INPP5A: variants seen among roughly 807,000 people sequenced by gnomAD.
The protein encoded by INPP5A is inositol polyphosphate-5-phosphatase A, also known as 43 kDa inositol polyphosphate 5-phophatase.
In INPP5A, 14 loss-of-function variants were observed where a neutral mutation model predicts 65.2. That is an observed-to-expected ratio of 0.21 (90% CI 0.14 to 0.34). INPP5A has a LOEUF of 0.34. INPP5A is among the 10% of genes least tolerant of loss of function. The probability of loss-of-function intolerance (pLI) is 1.00; values close to 1 mark genes in which losing one functional copy is unlikely to be tolerated. For missense variants in INPP5A, 431 were observed against 545.6 expected (o/e 0.79, Z 2.09); for synonymous variants, 207 against 208.3 (o/e 0.99, Z 0.05).
In INPP5A at chr10:132,760,472, T is replaced by C. The variant is rs981918555; in HGVS notation, c.904-5301T>C. Among the ~76,000 whole-genome samples, 3 of 152,254 alleles carry C rather than the reference T, an allele frequency of 2.0e-5. No homozygotes were observed. In the South Asian group the frequency reaches 6.2e-4, roughly 31 times the overall value. On this transcript the variant is annotated intron_variant, in intron 11 of 15. Coordinates refer to ENST00000368594, the MANE Select transcript of INPP5A (RefSeq NM_005539.5). ...AGAGGCCATCTGTGCCCCTGCACTTTGGTGCTGTCCAGGACTGCGTCCCCC... is the reference window on the plus strand; with the variant it reads ...AGAGGCCATCTGTGCCCCTGCACTTCGGTGCTGTCCAGGACTGCGTCCCCC...
rs575628662 is a variant in INPP5A, at chr10:132,641,447, G to A, written c.118-4421G>A. 9.9e-5 allele frequency among the ~76,000 whole-genome samples: 15 copies of A among 152,192 alleles called. No homozygotes were observed. The South Asian group carries it at 2.7e-3, about 27-fold the overall frequency. On this transcript the variant is annotated intron_variant, in intron 2 of 15. Transcript: ENST00000368594. ...ATACAGCTAACTAGTCCAGCTATCC[G>A]GATAGATCTAACCAGGATGTCTTCC...
chr10:132,596,401 AGTGTGTGTGC>A (rs1401184725), intron 1 of INPP5A, among the ~76,000 whole-genome samples: 1 of 151,532 alleles, frequency 6.6e-6, no homozygotes, highest in Non-Finnish European at 1.5e-5. Flanking sequence ...AGGACACCCA[AGTGTGTGTGC>A]GTGTGTGTGC....
In INPP5A at chr10:132,644,287, C is replaced by T. The variant is rs749692735; in HGVS notation, c.118-1581C>T. Among the ~76,000 whole-genome samples, 5 of 152,216 alleles carry T rather than the reference C, an allele frequency of 3.3e-5. No homozygotes were observed. Among genetic ancestry groups the T allele is most frequent in the South Asian group, 4.1e-4 (2 of 4,834 alleles). On this transcript the variant is annotated intron_variant, in intron 2 of 15. Coordinates refer to ENST00000368594, the MANE Select transcript of INPP5A (RefSeq NM_005539.5). This position sits in a 1 kb window ranked among gnomAD's most constrained non-coding sequence, Gnocchi z 6.5. ...GCAGAGGCGGCTGCGAACTCAGGCA[C>T]GGCCGCCCTTGTCTCCTGCTGCCGC...
Position 132,678,072 on chromosome 10 carries a change from C to A in INPP5A, c.307-12320C>A, listed in dbSNP as rs995341869. On this transcript the variant is annotated intron_variant, in intron 4 of 15. Transcript: ENST00000368594. This position sits in a 1 kb window ranked among gnomAD's most constrained non-coding sequence, Gnocchi z 4.1. Reference sequence around the variant, plus strand: ...CGGCAGGAGGCCAGACAGGGGGACACCTTGGTGCCGTCATCCCGTTTGGCC... The same window carrying A: ...CGGCAGGAGGCCAGACAGGGGGACAACTTGGTGCCGTCATCCCGTTTGGCC... Among the ~76,000 whole-genome samples the A allele has an allele frequency of 6.6e-6, 1 of 152,214 alleles. No homozygotes were observed. The highest frequency in any genetic ancestry group is 2.4e-5 in the African/African-American group (1 of 41,444).
chr10:132,557,863 C>T (rs1330724810), intron 1 of INPP5A, among the ~76,000 whole-genome samples: 2 of 152,192 alleles, frequency 1.3e-5, no homozygotes, highest in African/African-American at 2.4e-5. Context: ...GTGGCAGCCA[C>T]GGCTTATGGC....
In INPP5A at chr10:132,546,968, C is replaced by T. The variant is rs867871846; in HGVS notation, c.75+8797C>T. Among the ~76,000 whole-genome samples the T allele has an allele frequency of 2.6e-5, 4 of 152,358 alleles. No individual in the cohort carries two copies. In the East Asian group the frequency reaches 5.8e-4, roughly 22 times the overall value. ...GGCTGTGTCATCTGCCGCAGACAGCCTTCCTTTCTGCGTCCTCCCCTCTCG... is the reference window on the plus strand; with the variant it reads ...GGCTGTGTCATCTGCCGCAGACAGCTTTCCTTTCTGCGTCCTCCCCTCTCG... On this transcript the variant is annotated intron_variant, in intron 1 of 15. Transcript: ENST00000368594. This position sits in a 1 kb window ranked among gnomAD's most constrained non-coding sequence, Gnocchi z 5.7.
At chr10:132,594,629 G>A (rs2071661146) in intron 1 of INPP5A, among the ~76,000 whole-genome samples, 1 of 152,042 alleles carries the variant, frequency 6.6e-6, no homozygotes, top group South Asian at 2.1e-4. Flanking sequence ...GCCTGTGCAT[G>A]GGTGGTGTGT....
intron 3 of INPP5A, among the ~76,000 whole-genome samples, chr10:132,649,396 G>A (rs577685985): frequency 3.2e-4 from 48 of 152,356 alleles, no homozygotes; most frequent in African/African-American, 1.1e-3. Context: ...ACACATTCAC[G>A]TGGTGTTGCT....
intron 1 of INPP5A, among the ~76,000 whole-genome samples, chr10:132,566,871 A>C (rs2071280840): frequency 6.6e-6 from 1 of 152,244 alleles, no homozygotes; most frequent in South Asian, 2.1e-4. Flanking sequence ...TAAATATTGA[A>C]TACTAGAATG....
At chr10:132,737,099 G>A (rs979210822) in intron 9 of INPP5A, among the ~76,000 whole-genome samples, 4 of 152,220 alleles carry the variant, frequency 2.6e-5, no homozygotes, top group Non-Finnish European at 5.9e-5. Context: ...AGAGCATGGC[G>A]GCTGACTCCT....
chr10:132,666,505 C>CA (rs1478241760), intron 4 of INPP5A, among the ~76,000 whole-genome samples: 1 of 151,996 alleles, frequency 6.6e-6, no homozygotes. Context: ...AAAACAGCCA[C>CA]AAAAAAACCC....
chr10:132,626,343 C>T (rs1223511526), intron 2 of INPP5A, among the ~76,000 whole-genome samples: 2 of 152,244 alleles, frequency 1.3e-5, no homozygotes, highest in African/African-American at 4.8e-5. Context: ...CGCCTTCATT[C>T]TGCCTGGGTC....
rs563088213 is a variant in INPP5A at position 132,710,209 on chromosome 10, C to T, written c.528-128C>T. On this transcript the variant is annotated intron_variant, in intron 7 of 15. Coordinates refer to ENST00000368594, the MANE Select transcript of INPP5A (RefSeq NM_005539.5). Reference sequence around the variant, plus strand: ...AAGACAGGTGGGTGGACAGGTGCCCCGCCTCGGGTGGCTCCGCACGGCGGA... The same window carrying T: ...AAGACAGGTGGGTGGACAGGTGCCCTGCCTCGGGTGGCTCCGCACGGCGGA... The T allele has an allele frequency of 1.7e-4, 176 of 1,050,380 alleles. 1 individual carries two copies. The East Asian group carries it at 3.4e-3, about 21-fold the overall frequency. 65.1% of individuals were successfully genotyped at this position (1,050,380 alleles called of 1,614,324 possible).
At chr10:132,781,063 G>T in intron 14 of INPP5A, 146 bp downstream of exon 14, 1 of 652,384 alleles carries the variant, frequency 1.5e-6, no homozygotes, top group Non-Finnish European at 2.8e-6. Context: ...CTGTTCTCCT[G>T]TCTTCTTAGT....
chr10:132,679,247 G>A (rs957572604), intron 4 of INPP5A, among the ~76,000 whole-genome samples: 9 of 152,336 alleles, frequency 5.9e-5, no homozygotes, highest in African/African-American at 1.9e-4. Flanking sequence ...GGATGTTTGG[G>A]TGAGGCATAT....
intron 1 of INPP5A, among the ~76,000 whole-genome samples, chr10:132,562,888 C>T (rs2071223835): frequency 6.6e-6 from 1 of 152,158 alleles, no homozygotes; most frequent in African/African-American, 2.4e-5. Flanking sequence ...TGGTGCCCTC[C>T]TTCCCCTGCT....
chr10:132,681,076 G>A (rs2073037271), intron 4 of INPP5A, among the ~76,000 whole-genome samples: 2 of 152,260 alleles, frequency 1.3e-5, no homozygotes, highest in South Asian at 4.1e-4. Flanking sequence ...TCCACCTGCA[G>A]CCCCAGTGCG....
At chr10:132,540,631 G>C (rs2070894874) in intron 1 of INPP5A, among the ~76,000 whole-genome samples, 1 of 152,260 alleles carries the variant, frequency 6.6e-6, no homozygotes, top group South Asian at 2.1e-4. Flanking sequence ...AGCCTGGCCG[G>C]TGGAAGGAAA....
chr10:132,732,882 G>A (rs998787685), intron 9 of INPP5A, among the ~76,000 whole-genome samples: 1 of 152,152 alleles, frequency 6.6e-6, no homozygotes, highest in Non-Finnish European at 1.5e-5. Flanking sequence ...TCCCTCCCGC[G>A]CAGAGTCTCC....
Sources: gnomAD v4.1 joint callset for allele counts (sites outside exome capture counted in the v4.1 genomes callset) on GRCh38, gnomAD v4.1.1 for gene constraint, Gnocchi (gnomAD v3.1) non-coding constraint, MANE v1.5 for transcripts, NCBI Gene and HGNC (gene_info 2026-07-23, HGNC 2026-07-21) for gene names.